Variants in MYLIP observed in about 807,000 individuals in gnomAD.
MYLIP encodes the protein E3 ubiquitin-protein ligase MYLIP.
In MYLIP, 26 loss-of-function variants were observed where a neutral mutation model predicts 45.8. That is an observed-to-expected ratio of 0.57 (90% CI 0.42 to 0.79). The LOEUF is 0.79. Among genes scored for constraint, MYLIP ranks in the 30% least tolerant of loss-of-function variants. The pLI, the probability that MYLIP is intolerant of heterozygous loss-of-function variation, is 0.00. For missense variants in MYLIP, 494 were observed against 555.6 expected (o/e 0.89, Z 1.11); for synonymous variants, 213 against 218.1 (o/e 0.98, Z 0.21).
chr6:16,139,224 A>C (rs569401201), intron 2 of MYLIP, among the ~76,000 whole-genome samples: 2 of 152,258 alleles, frequency 1.3e-5, no homozygotes, highest in South Asian at 4.1e-4. Flanking sequence ...AACACGGTGA[A>C]ACCCCGTCTC....
At chr6:16,155,675 G>T in the MYLIP span, among the ~76,000 whole-genome samples, 2 of 152,210 alleles carry the variant, frequency 1.3e-5, no homozygotes, top group African/African-American at 4.8e-5. Flanking sequence ...ATTGCTCTCA[G>T]CTCCTCATGG....
Position 16,129,526 on chromosome 6 carries a change from A to C in MYLIP, c.87+117A>C, listed in dbSNP as rs1346180813. The C allele has an allele frequency of 1.0e-6, 1 of 973,220 alleles. No individual in the cohort carries two copies. Among genetic ancestry groups the C allele is most frequent in the Non-Finnish European group, 1.5e-6 (1 of 676,184 alleles). The allele number at this position is 973,220 out of a possible 1,614,324, so 60.3% of individuals were successfully genotyped here. A position where few individuals can be genotyped will look rare whatever the true frequency, so the allele number is the denominator to read the frequency against. ...AGGGGCCGGGAGGCACTGCGGCGGC[A>C]GCCGGGGGGAGCGCGTCCCCTCCTC... is the stretch of plus-strand genomic sequence containing the variant. On this transcript the variant is annotated intron_variant, in intron 1 of 6. Coordinates refer to ENST00000356840, the MANE Select transcript of MYLIP (RefSeq NM_013262.4). The surrounding 1 kb of genome is among the most constrained non-coding windows in gnomAD (Gnocchi z 5.1).
the MYLIP span, among the ~76,000 whole-genome samples, chr6:16,155,026 C>T: frequency 6.6e-6 from 1 of 152,158 alleles, no homozygotes; most frequent in African/African-American, 2.4e-5. Context: ...CAAGCCTTCA[C>T]AGTTTCAGAG....
intron 2 of MYLIP, among the ~76,000 whole-genome samples, chr6:16,139,414 C>T (rs1028815683): frequency 4.0e-5 from 6 of 151,428 alleles, no homozygotes; most frequent in Admixed American, 6.6e-5. Context: ...GCCACTTTTA[C>T]ATAAGCAGTA....
chr6:16,132,783 G>A (rs966190027), intron 2 of MYLIP, among the ~76,000 whole-genome samples: 6 of 152,152 alleles, frequency 3.9e-5, no homozygotes, highest in African/African-American at 7.2e-5. Flanking sequence ...AAGCTGGTTC[G>A]TAAACTTCTT....
At chr6:16,133,587 A>G (rs1266800620) in intron 2 of MYLIP, among the ~76,000 whole-genome samples, 1 of 152,242 alleles carries the variant, frequency 6.6e-6, no homozygotes, top group Non-Finnish European at 1.5e-5. Context: ...CTGGAAGTAG[A>G]TCTGAAATAA....
chr6:16,142,067 C>CAG (rs1283438098), intron 3 of MYLIP, among the ~76,000 whole-genome samples: 3 of 152,168 alleles, frequency 2.0e-5, no homozygotes, highest in Non-Finnish European at 4.4e-5. Flanking sequence ...GCCATCAGGA[C>CAG]AGAGGGAGCA....
At position 16,145,144 on chromosome 6, in the gene MYLIP, A is replaced by G. The variant is rs1389862418; in HGVS notation, c.1075A>G (p.Asn359Asp). ...TCTGAAGTCCTCAGAAAGCAGCATG[A>G]ACTGCAGCAGCTGCGAGGGCCTCAG... is the stretch of plus-strand genomic sequence containing the variant. ...SPLKSSESSM[N>D]CSSCEGLSCQ... The change falls in exon 6 of 7, where the codon AAC becomes GAC. Residue 359 changes from asparagine (N) to aspartate (D), a missense_variant. Physicochemically the swap from Asn to Asp is conservative, Grantham distance 23. Transcript: ENST00000356840. 1.2e-6 allele frequency: 2 copies of G among 1,614,214 alleles called. No individual in the cohort carries two copies.
In MYLIP at chr6:16,129,239, G is replaced by C; in HGVS notation, c.-84G>C. The stretch of plus-strand genomic sequence containing the variant: ...TCGAGGGCCAGCCCTCTCCGAGTCC[G>C]GGGCTGGGTCCCACCAGTGACAAGG... On this transcript the variant is annotated 5_prime_UTR_variant, in exon 1 of 7. Coordinates refer to ENST00000356840, the MANE Select transcript of MYLIP (RefSeq NM_013262.4). This position sits in a 1 kb window ranked among gnomAD's most constrained non-coding sequence, Gnocchi z 5.1. 1 of 1,421,142 alleles carries C rather than the reference G, an allele frequency of 7.0e-7. No individual in the cohort carries two copies. Among genetic ancestry groups the C allele is most frequent in the Non-Finnish European group, 9.6e-7 (1 of 1,038,218 alleles). The allele number at this position is 1,421,142 out of a possible 1,614,324, so 88.0% of individuals were successfully genotyped here. A position where few individuals can be genotyped will look rare whatever the true frequency, so the allele number is the denominator to read the frequency against.
the MYLIP span, among the ~76,000 whole-genome samples, chr6:16,158,513 C>A: frequency 1.4e-4 from 22 of 152,078 alleles, no homozygotes; most frequent in South Asian, 2.1e-4. Flanking sequence ...ACTATATATA[C>A]ATCTATACAG....
downstream of MYLIP, among the ~76,000 whole-genome samples, chr6:16,149,655 A>G (rs1759854430): frequency 6.6e-6 from 1 of 152,232 alleles, no homozygotes; most frequent in South Asian, 2.1e-4. Flanking sequence ...CCTTCAGAAC[A>G]AGGAACTTTT....
chr6:16,146,602 G>T, intron 6 of MYLIP, 60 bp from the exon 7 acceptor site: 1 of 1,376,554 alleles, frequency 7.3e-7, no homozygotes, highest in South Asian at 1.2e-5. Flanking sequence ...TGTGCACAGA[G>T]ACACAGGCCC....
rs776352586 is a variant in MYLIP, at chr6:16,145,251, G to A, written c.1182G>A (p.Glu394=). The A allele has an allele frequency of 8.7e-6, 14 of 1,612,952 alleles. No homozygotes were observed. Among genetic ancestry groups the A allele is most frequent in the Non-Finnish European group, 1.1e-5 (13 of 1,179,100 alleles). ...TGTGCATGGTGTGCTGCGAGGAGGA[G>A]ATCAACTCCACCTTCTGTCCCTGTG... ...AMLCMVCCEE[E]INSTFCPCGH... is the part of the protein sequence containing the mutation. The change falls in exon 6 of 7, where the codon GAG becomes GAA. Residue 394 remains glutamate (E), a synonymous_variant. Coordinates refer to ENST00000356840, the MANE Select transcript of MYLIP (RefSeq NM_013262.4).
chr6:16,144,056 C>T (rs533248503), intron 5 of MYLIP, among the ~76,000 whole-genome samples, 193 bp downstream of exon 5: 1 of 152,068 alleles, frequency 6.6e-6, no homozygotes, highest in Non-Finnish European at 1.5e-5. Flanking sequence ...ACAGAAGGTG[C>T]ATGTGTGTGA....
At chr6:16,144,773 A>T in intron 5 of MYLIP, 124 bp from the exon 6 acceptor site, 1 of 1,082,224 alleles carries the variant, frequency 9.2e-7, no homozygotes, top group Non-Finnish European at 1.3e-6. Context: ...GGAAGGACTT[A>T]CTTTCATACA....
the MYLIP span, among the ~76,000 whole-genome samples, chr6:16,154,595 C>A: frequency 6.6e-6 from 1 of 152,110 alleles, no homozygotes; most frequent in African/African-American, 2.4e-5. Flanking sequence ...TACACATGGC[C>A]CGGGATGCTC....
At chr6:16,153,003 C>A (rs983098390), downstream of MYLIP, among the ~76,000 whole-genome samples, 2 of 152,104 alleles carry the variant, frequency 1.3e-5, no homozygotes, top group Non-Finnish European at 1.5e-5. Flanking sequence ...CTGGTAACCC[C>A]TACTCCCAGC....
chr6:16,155,848 C>T, the MYLIP span, among the ~76,000 whole-genome samples: 1 of 152,124 alleles, frequency 6.6e-6, no homozygotes, highest in Non-Finnish European at 1.5e-5. Context: ...GGCCCTCTGC[C>T]TTTTTGCGTG....
chr6:16,143,548 A>G (rs996150728), intron 4 of MYLIP, 151 bp from the exon 5 acceptor site: 4 of 818,584 alleles, frequency 4.9e-6, no homozygotes, highest in African/African-American at 1.7e-5. Flanking sequence ...GTATCTTTAC[A>G]ATAAGGCAGC....
Sources: allele counts gnomAD v4.1 joint callset (sites outside exome capture counted in the v4.1 genomes callset), GRCh38; gene constraint gnomAD v4.1.1; non-coding constraint Gnocchi (gnomAD v3.1); transcripts MANE v1.5; gene names NCBI Gene and HGNC (gene_info 2026-07-23, HGNC 2026-07-21).